The following SCYL2 variants were observed in gnomAD, a reference collection of about 807,000 sequenced individuals.
SCYL2 encodes the protein SCY1 like pseudokinase 2.
Under a neutral mutation model 100.4 loss-of-function variants are expected in SCYL2, and 36 were observed. That is an observed-to-expected ratio of 0.36 (90% CI 0.27 to 0.47). SCYL2 has a LOEUF of 0.47. SCYL2 is among the 20% of genes least tolerant of loss of function. SCYL2 has a pLI of 1.00. For synonymous variants in SCYL2, 330 were observed against 359.2 expected (o/e 0.92, Z 0.92); for missense variants, 902 against 1,083.9 (o/e 0.83, Z 2.36).
intron 3 of SCYL2, among the ~76,000 whole-genome samples, chr12:100,294,642 T>C (rs36009677): frequency 0.18 from 18,942 of 105,582 alleles, 2,941 homozygotes; most frequent in African/African-American, 0.45. Flanking sequence ...CCAGTAGGGG[T>C]GGCTGGGCAG....
Position 100,315,204 on chromosome 12 carries a change from G to A in SCYL2, c.1096-354G>A, listed in dbSNP as rs187925633. ...TATAGTAAGTGTAGCTAGGGTTAAC[G>A]TGTGAAACAGTTAACAGTACATGAT... On this transcript the variant is annotated intron_variant, in intron 8 of 17. Coordinates refer to ENST00000360820, the MANE Select transcript of SCYL2 (RefSeq NM_017988.6). Among the ~76,000 whole-genome samples the A allele has an allele frequency of 7.9e-5, 12 of 152,284 alleles. No individual in the cohort carries two copies. In the East Asian group the frequency reaches 1.9e-3, roughly 24 times the overall value.
At chr12:100,305,160 A>T (rs887327732) in intron 4 of SCYL2, among the ~76,000 whole-genome samples, 1 of 152,168 alleles carries the variant, frequency 6.6e-6, no homozygotes, top group African/African-American at 2.4e-5. Flanking sequence ...GGCCCAAATA[A>T]ACATCTACAG....
At chr12:100,314,802 G>C (rs146266840) in intron 8 of SCYL2, among the ~76,000 whole-genome samples, 188 bp downstream of exon 8, 238 of 152,248 alleles carry the variant, frequency 1.6e-3, no homozygotes, top group African/African-American at 5.3e-3. Context: ...AAATAAATAG[G>C]CTAAAAAATT....
intron 7 of SCYL2, among the ~76,000 whole-genome samples, chr12:100,313,744 C>T (rs985568372): frequency 2.0e-5 from 3 of 152,114 alleles, no homozygotes; most frequent in African/African-American, 7.2e-5. Context: ...TCTTACACAG[C>T]TAAATATGTA....
intron 10 of SCYL2, among the ~76,000 whole-genome samples, chr12:100,320,419 T>C (rs1431580659): frequency 1.3e-5 from 2 of 151,850 alleles, no homozygotes; most frequent in Non-Finnish European, 2.9e-5. Context: ...TGGTGGCGGG[T>C]ACCTGTAATC....
At chr12:100,294,425 C>G (rs2096315171) in intron 3 of SCYL2, among the ~76,000 whole-genome samples, 1 of 101,676 alleles carries the variant, frequency 9.8e-6, no homozygotes, top group African/African-American at 3.9e-5. Flanking sequence ...GCTGGCCGGG[C>G]GGGGGGGCTC....
intron 1 of SCYL2, among the ~76,000 whole-genome samples, chr12:100,279,875 C>T (rs533238758): frequency 1.3e-5 from 2 of 152,276 alleles, no homozygotes; most frequent in South Asian, 4.1e-4. Flanking sequence ...TGTGTGGGAC[C>T]AGGGAACAGA....
chr12:100,267,413 C>T lies in SCYL2; in HGVS notation c.-408C>T, dbSNP rs1035304092. ...AAGGAAGAGGTAAGTGACCGGCCGC[C>T]GGCACCGACCGACCTCCCTCACCGG... On this transcript the variant is annotated 5_prime_UTR_variant, in exon 1 of 18. Transcript: ENST00000360820. 6 of 200,944 alleles carry T rather than the reference C, an allele frequency of 3.0e-5. No individual in the cohort carries two copies. The highest frequency in any genetic ancestry group is 6.0e-5 in the Admixed American group (1 of 16,576). 12.4% of individuals were successfully genotyped at this position (200,944 alleles called of 1,614,324 possible).
At chr12:100,272,057 A>G (rs1184348771) in intron 1 of SCYL2, among the ~76,000 whole-genome samples, 1 of 152,156 alleles carries the variant, frequency 6.6e-6, no homozygotes, top group Non-Finnish European at 1.5e-5. Context: ...TGCTGGTTCT[A>G]TTGAAAGCCA....
rs1166692597 is a variant in SCYL2 at position 100,285,076 on chromosome 12, A to G, written c.177+1929A>G. ...TTTAATAACTTATGTTCAGCATATT[A>G]TAGAATATTGCACAAATCATGAGTG... On this transcript the variant is annotated intron_variant, in intron 2 of 17. Transcript: ENST00000360820. 2.0e-5 allele frequency among the ~76,000 whole-genome samples: 3 copies of G among 152,332 alleles called. No individual in the cohort carries two copies. The East Asian group carries it at 5.8e-4, about 29-fold the overall frequency.
At chr12:100,322,160 C>T (rs1442674912) in intron 10 of SCYL2, among the ~76,000 whole-genome samples, 5 of 150,988 alleles carry the variant, frequency 3.3e-5, no homozygotes, top group Non-Finnish European at 5.9e-5. Context: ...ATCACGAGGT[C>T]AGGAGATCGA....
Position 100,339,154 on chromosome 12 carries a change from A to G in SCYL2, c.2772A>G (p.Leu924=). 2.5e-6 allele frequency: 4 copies of G among 1,612,582 alleles called. No individual in the cohort carries two copies. Among genetic ancestry groups the G allele is most frequent in the Non-Finnish European group, 3.4e-6 (4 of 1,179,328 alleles). The change falls in exon 18 of 18, where the codon TTA becomes TTG. Residue 924 remains leucine, a synonymous_variant. Coordinates refer to ENST00000360820, the MANE Select transcript of SCYL2 (RefSeq NM_017988.6). ...ATAGCAGTTCAGCTAGCAATGATTT[A>G]AAAGATCTTTTTGGGTGAGGTGTCT... ...MTNSSSASND[L]KDLFG
At position 100,341,366 on chromosome 12, in the gene SCYL2, G is replaced by A. The variant is rs1310964436; in HGVS notation, c.*2194G>A. ...TACTGAAGACAATTAAGTCCGTTAT[G>A]TTTAGAGTAGAAAATGTTTAGGTTA... On this transcript the variant is annotated 3_prime_UTR_variant, in exon 18 of 18. Transcript: ENST00000360820. 6.6e-6 allele frequency: 1 copy of A among 152,100 alleles called. No homozygotes were observed. The highest frequency in any genetic ancestry group is 1.5e-5 in the Non-Finnish European group (1 of 67,968). 9.4% of individuals were successfully genotyped at this position (152,100 alleles called of 1,614,324 possible).
intron 1 of SCYL2, among the ~76,000 whole-genome samples, chr12:100,279,783 G>C (rs1367387461): frequency 6.6e-6 from 1 of 152,196 alleles, no homozygotes; most frequent in African/African-American, 2.4e-5. Flanking sequence ...GCAGCCTTGT[G>C]TGAACTTTGA....
intron 10 of SCYL2, among the ~76,000 whole-genome samples, chr12:100,320,585 TA>T (rs145059189): frequency 2.9e-5 from 4 of 137,568 alleles, no homozygotes; most frequent in African/African-American, 5.6e-5. Context: ...AATAAATAAA[TA>T]AATAAATAAA....
intron 1 of SCYL2, among the ~76,000 whole-genome samples, chr12:100,281,032 T>TTG (rs1566343826): frequency 7.4e-6 from 1 of 134,468 alleles, no homozygotes; most frequent in African/African-American, 2.8e-5. Context: ...TTTTTTTTTT[T>TTG]TTTTTTTTTT....
At chr12:100,294,620 G>T (rs1321155229) in intron 3 of SCYL2, among the ~76,000 whole-genome samples, 2 of 135,320 alleles carry the variant, frequency 1.5e-5, no homozygotes, top group Non-Finnish European at 1.6e-5. Flanking sequence ...GGGCAGAGGG[G>T]CTCCTCACTT....
intron 10 of SCYL2, among the ~76,000 whole-genome samples, chr12:100,323,185 A>G (rs2096358083): frequency 6.6e-6 from 1 of 152,184 alleles, no homozygotes; most frequent in Admixed American, 6.5e-5. Flanking sequence ...CTTCTGAGAG[A>G]TAGCAAAACT....
At chr12:100,276,573 A>C (rs146577430) in intron 1 of SCYL2, among the ~76,000 whole-genome samples, 1 of 152,126 alleles carries the variant, frequency 6.6e-6, no homozygotes, top group African/African-American at 2.4e-5. Context: ...CCTGGGCTCA[A>C]GTGATCCTCC....
Sources: allele counts gnomAD v4.1 joint callset (sites outside exome capture counted in the v4.1 genomes callset), GRCh38; gene constraint gnomAD v4.1.1; transcripts MANE v1.5; gene names NCBI Gene and HGNC (gene_info 2026-07-23, HGNC 2026-07-21).